The following PAX7 variants were observed in gnomAD, a reference collection of about 807,000 sequenced individuals.
The protein encoded by PAX7 is paired box protein Pax-7.
PAX7 carries 18 observed loss-of-function variants against 50.7 expected under a neutral mutation model. That is an observed-to-expected ratio of 0.36 (90% confidence interval 0.25 to 0.53). The LOEUF (loss-of-function observed/expected upper bound fraction) is 0.53. Ranked by LOEUF, PAX7 falls within the 20% of genes least tolerant of loss-of-function variation. The pLI is 0.93. For synonymous variants in PAX7, 310 were observed against 290.4 expected (o/e 1.07, Z -0.69); for missense variants, 644 against 702.9 (o/e 0.92, Z 0.95).
chr1:18,638,322 T>G (rs2088195295), intron 4 of PAX7, among the ~76,000 whole-genome samples: 1 of 152,146 alleles, frequency 6.6e-6, no homozygotes, highest in Non-Finnish European at 1.5e-5. Context: ...ATGCGGGGCG[T>G]TCCATGCTGG....
At chr1:18,684,757 C>T (rs1346584066) in intron 4 of PAX7, among the ~76,000 whole-genome samples, 1 of 152,210 alleles carries the variant, frequency 6.6e-6, no homozygotes, top group African/African-American at 2.4e-5. Flanking sequence ...TGCCGCAGCT[C>T]AACACCGGGG....
intron 6 of PAX7, among the ~76,000 whole-genome samples, chr1:18,701,770 T>C (rs1165282204): frequency 6.6e-6 from 1 of 152,132 alleles, no homozygotes; most frequent in African/African-American, 2.4e-5. Context: ...GAAGGAGGCC[T>C]CACTTGAGCC....
intron 6 of PAX7, among the ~76,000 whole-genome samples, chr1:18,701,182 G>T (rs536367468): frequency 8.8e-4 from 134 of 152,354 alleles, no homozygotes; most frequent in African/African-American, 3.2e-3. Context: ...GAGCAGCGAG[G>T]ATTTGGAGGA....
chr1:18,690,701 A>G (rs931933298), intron 4 of PAX7, among the ~76,000 whole-genome samples: 2 of 152,192 alleles, frequency 1.3e-5, no homozygotes, highest in African/African-American at 2.4e-5. Context: ...ACCCACCCCC[A>G]GTCTCCATGG....
chr1:18,734,282 A>C (rs1182140028), intron 7 of PAX7, among the ~76,000 whole-genome samples: 1 of 152,162 alleles, frequency 6.6e-6, no homozygotes, highest in African/African-American at 2.4e-5. Context: ...GATTATCAGC[A>C]AAGCCGTCCC....
intron 8 of PAX7, among the ~76,000 whole-genome samples, chr1:18,744,501 CAG>C (rs146149968): frequency 0.039 from 803 of 20,712 alleles, 9 homozygotes; most frequent in African/African-American, 0.19. Context: ...GATGGATGGA[CAG>C]AGAATGGATA....
chr1:18,676,729 C>T (rs976459464), intron 4 of PAX7, among the ~76,000 whole-genome samples: 2 of 152,176 alleles, frequency 1.3e-5, no homozygotes, highest in African/African-American at 4.8e-5. Context: ...ATCATAGTCC[C>T]TTCTGAAACT....
chr1:18,711,264 G>C (rs953352648), intron 7 of PAX7, among the ~76,000 whole-genome samples: 1 of 152,150 alleles, frequency 6.6e-6, no homozygotes, highest in African/African-American at 2.4e-5. Context: ...TCGGAAAACA[G>C]GGGTAATCAT....
intron 4 of PAX7, among the ~76,000 whole-genome samples, chr1:18,651,015 C>A (rs1166769290): frequency 6.6e-6 from 1 of 152,116 alleles, no homozygotes; most frequent in Non-Finnish European, 1.5e-5. Flanking sequence ...GCCCTTATAT[C>A]CACAGGCAGC....
chr1:18,655,643 CATTT>C (rs1371597733), intron 4 of PAX7, among the ~76,000 whole-genome samples: 1 of 152,232 alleles, frequency 6.6e-6, no homozygotes, highest in Non-Finnish European at 1.5e-5. Context: ...TCCGCTAATT[CATTT>C]GACTCGGAAA....
intron 7 of PAX7, among the ~76,000 whole-genome samples, chr1:18,710,968 G>T (rs112917118): frequency 1.1e-4 from 16 of 152,336 alleles, no homozygotes; most frequent in African/African-American, 3.8e-4. Flanking sequence ...AACCCCAGCT[G>T]CGCGCTCCTC....
chr1:18,660,081 G>C (rs2088579793), intron 4 of PAX7, among the ~76,000 whole-genome samples: 1 of 152,170 alleles, frequency 6.6e-6, no homozygotes, highest in South Asian at 2.1e-4. Context: ...CCAGTGGCTG[G>C]AGCCTGGGGT....
chr1:18,730,562 G>A (rs2089633703), intron 7 of PAX7, among the ~76,000 whole-genome samples: 1 of 139,872 alleles, frequency 7.1e-6, no homozygotes, highest in South Asian at 2.6e-4. Flanking sequence ...CCCCAATGAT[G>A]GCGATTGCCC....
At chr1:18,703,715 T>C (rs996605430) in intron 7 of PAX7, among the ~76,000 whole-genome samples, 4 of 152,182 alleles carry the variant, frequency 2.6e-5, no homozygotes, top group African/African-American at 9.7e-5. Context: ...GAACAGGACT[T>C]GATAATGCCG....
At position 18,652,742 on chromosome 1, in the gene PAX7, A is replaced by C. The variant is rs369919775; in HGVS notation, c.586+16371A>C. Among the ~76,000 whole-genome samples the C allele has an allele frequency of 5.3e-5, 8 of 152,234 alleles. No homozygotes were observed. In the East Asian group the frequency reaches 7.7e-4, roughly 15 times the overall value. ...AATTAAGAAGCCCATTAGTAGATAC[A>C]GAAATTGAGGCATACAGAGAGGTGC... On this transcript the variant is annotated intron_variant, in intron 4 of 8. Coordinates refer to ENST00000420770, the MANE Select transcript of PAX7 (RefSeq NM_001135254.2).
In PAX7 at chr1:18,746,694, G is replaced by C. The variant is rs550938270; in HGVS notation, c.*1765G>C. On this transcript the variant is annotated 3_prime_UTR_variant, in exon 9 of 9. Coordinates refer to ENST00000420770, the MANE Select transcript of PAX7 (RefSeq NM_001135254.2). The stretch of plus-strand genomic sequence containing the variant: ...CAACAAGACATTCCTAGAGGGAAAG[G>C]GCTGCTGCTCTGGGAGTCAACCTGA... 1 of 231,078 alleles carries C rather than the reference G, an allele frequency of 4.3e-6. No individual in the cohort carries two copies. Among genetic ancestry groups the C allele is most frequent in the Non-Finnish European group, 8.6e-6 (1 of 116,780 alleles). 14.3% of individuals were successfully genotyped at this position (231,078 alleles called of 1,614,324 possible). A position where few individuals can be genotyped will look rare whatever the true frequency, so the allele number is the denominator to read the frequency against.
intron 4 of PAX7, among the ~76,000 whole-genome samples, chr1:18,653,357 ATTG>A (rs370327015): frequency 2.3e-3 from 348 of 152,108 alleles, no homozygotes; most frequent in Non-Finnish European, 3.5e-3. Context: ...GTGTGTGTAT[ATTG>A]TTGTTGTTGT....
rs2088038909 is a variant in PAX7 at position 18,631,322 on chromosome 1, G to A, written c.-282G>A. 2 of 344,142 alleles carry A rather than the reference G, an allele frequency of 5.8e-6. No individual in the cohort carries two copies. The highest frequency in any genetic ancestry group is 1.1e-5 in the Non-Finnish European group (2 of 187,892). The allele number at this position is 344,142 out of a possible 1,614,324, so 21.3% of individuals were successfully genotyped here. ...CTGGCCGAGGCCAGCCGGCAGAGGCGGACTTGGGGTTGGAGTGTTTGTTTG... is the reference window on the plus strand; with the variant it reads ...CTGGCCGAGGCCAGCCGGCAGAGGCAGACTTGGGGTTGGAGTGTTTGTTTG... On this transcript the variant is annotated 5_prime_UTR_variant, in exon 1 of 9. Transcript: ENST00000420770.
rs1343211026 is a variant in PAX7, at chr1:18,726,160, G to A, written c.1156-9472G>A. On this transcript the variant is annotated intron_variant, in intron 7 of 8. Coordinates refer to ENST00000420770, the MANE Select transcript of PAX7 (RefSeq NM_001135254.2). The surrounding 1 kb of genome is among the most constrained non-coding windows in gnomAD (Gnocchi z 4.8). The stretch of plus-strand genomic sequence containing the variant: ...GAAGAGTGTGAGTGTGTGTGTGTGT[G>A]TGTGTGTGTGTGTGTGTGTCTTTGA... 6.6e-6 allele frequency among the ~76,000 whole-genome samples: 1 copy of A among 151,500 alleles called. No homozygotes were observed. The highest frequency in any genetic ancestry group is 6.6e-5 in the Admixed American group (1 of 15,226).
Sources: gnomAD v4.1 joint callset for allele counts (sites outside exome capture counted in the v4.1 genomes callset) on GRCh38, gnomAD v4.1.1 for gene constraint, Gnocchi (gnomAD v3.1) non-coding constraint, MANE v1.5 for transcripts, NCBI Gene and HGNC (gene_info 2026-07-23, HGNC 2026-07-21) for gene names.